Variants in DISP1 observed in about 807,000 individuals in gnomAD.
The protein encoded by DISP1 is dispatched RND transporter family member 1, also known as protein dispatched homolog 1.
In DISP1, 30 loss-of-function variants were observed where a neutral mutation model predicts 37.3. The observed-to-expected ratio is 0.80, with a 90% CI of 0.60 to 1.09. DISP1 has a LOEUF of 1.09. DISP1 is among the 50% of genes least tolerant of loss of function. The pLI is 0.00. For synonymous variants in DISP1, 634 were observed against 690.2 expected, an observed-to-expected ratio of 0.92 and a Z score of 1.28; for missense variants, 1,598 against 1,879.5, an observed-to-expected ratio of 0.85 and a Z score of 2.77.
At chr1:222,934,374 A>G (rs1673587114) in intron 2 of DISP1, among the ~76,000 whole-genome samples, 1 of 152,132 alleles carries the variant, frequency 6.6e-6, no homozygotes, top group African/African-American at 2.4e-5. Flanking sequence ...AAATTTTAAT[A>G]GCCCTTTGAA....
intron 1 of DISP1, among the ~76,000 whole-genome samples, chr1:222,920,842 A>T (rs1314960452): frequency 1.3e-5 from 2 of 152,140 alleles, no homozygotes; most frequent in Admixed American, 1.3e-4. Context: ...ATATAAATTA[A>T]TATTAAGTAA....
chr1:222,876,356 C>G (rs1168562183), intron 1 of DISP1, among the ~76,000 whole-genome samples: 1 of 152,158 alleles, frequency 6.6e-6, no homozygotes, highest in Non-Finnish European at 1.5e-5. Context: ...AGCAGAGTAG[C>G]AACACTTTGG....
chr1:222,878,154 G>T (rs1670070869), intron 1 of DISP1, among the ~76,000 whole-genome samples: 1 of 152,224 alleles, frequency 6.6e-6, no homozygotes, highest in African/African-American at 2.4e-5. Flanking sequence ...TTTGGAAACA[G>T]CTTTAAACAA....
chr1:222,983,062 T>C lies in DISP1; in HGVS notation c.510-18T>C, dbSNP rs1460081634. The C allele has an allele frequency of 1.9e-6, 3 of 1,583,942 alleles. No individual in the cohort carries two copies. The highest frequency in any genetic ancestry group is 2.6e-6 in the Non-Finnish European group (3 of 1,163,590). On this transcript the variant is annotated intron_variant, in intron 3 of 8. Coordinates refer to ENST00000675850, the MANE Select transcript of DISP1 (RefSeq NM_001377229.1). The stretch of plus-strand genomic sequence containing the variant: ...GCTCTGTTTTTGATCATTTTTCCTT[T>C]GCTTTTTTTTTTTTCAGACCATCCA...
intron 1 of DISP1, among the ~76,000 whole-genome samples, chr1:222,860,717 T>G (rs1668832168): frequency 6.6e-6 from 1 of 151,922 alleles, no homozygotes; most frequent in South Asian, 2.1e-4. Context: ...AAACCCCATC[T>G]CTACTAAAAA....
chr1:222,849,567 C>T (rs1308182972), intron 1 of DISP1, among the ~76,000 whole-genome samples: 2 of 152,014 alleles, frequency 1.3e-5, no homozygotes, highest in African/African-American at 4.8e-5. Flanking sequence ...TAAAATGAAA[C>T]AGCTGGCCAC....
chr1:222,886,023 A>G (rs1224487793), intron 1 of DISP1, among the ~76,000 whole-genome samples: 1 of 152,174 alleles, frequency 6.6e-6, no homozygotes, highest in African/African-American at 2.4e-5. Flanking sequence ...TCATAGGGCA[A>G]CTTGGAAGGA....
rs1206623123 is a variant in DISP1 at position 223,002,566 on chromosome 1, A to G, written c.1169A>G (p.Gln390Arg). ...CTTCGGACTTGTGCCAAACACTACC[A>G]AAATGGCACTCTGGGGCCAGACTGC... The part of the protein sequence containing the change: ...KLLRTCAKHY[Q>R]NGTLGPDCWD... Residue 390 changes from glutamine to arginine, a missense_variant, in exon 9 of 9, where the codon CAA becomes CGA. Physicochemically the swap from Gln to Arg is conservative, Grantham distance 43 (BLOSUM62 1). Coordinates refer to ENST00000675850, the MANE Select transcript of DISP1 (RefSeq NM_001377229.1). 5.0e-6 allele frequency: 8 copies of G among 1,614,200 alleles called. No individual in the cohort carries two copies. The highest frequency in any genetic ancestry group is 1.7e-5 in the Admixed American group (1 of 60,022).
chr1:222,819,720 T>C (rs1184330331), intron 1 of DISP1, among the ~76,000 whole-genome samples: 1 of 151,994 alleles, frequency 6.6e-6, no homozygotes, highest in Non-Finnish European at 1.5e-5. Flanking sequence ...TTTGTGTTTT[T>C]AGCAGGGACA....
chr1:222,848,108 TATTG>T (rs767294978), intron 1 of DISP1, among the ~76,000 whole-genome samples: 2 of 152,182 alleles, frequency 1.3e-5, no homozygotes, highest in Non-Finnish European at 2.9e-5. Flanking sequence ...TCAACATTCA[TATTG>T]ATTGATTTAT....
At chr1:222,840,559 T>C (rs768926727) in intron 1 of DISP1, among the ~76,000 whole-genome samples, 145 of 107,796 alleles carry the variant, frequency 1.3e-3, no homozygotes, top group Non-Finnish European at 2.0e-3. Context: ...CAGTATCTCT[T>C]TTTTTTTTTT....
chr1:222,846,466 G>A (rs1292757583), intron 1 of DISP1, among the ~76,000 whole-genome samples: 1 of 152,124 alleles, frequency 6.6e-6, no homozygotes, highest in Non-Finnish European at 1.5e-5. Flanking sequence ...ACTCCAGCCT[G>A]GGCAACAAGA....
chr1:222,929,745 C>A (rs1268689790), intron 2 of DISP1, among the ~76,000 whole-genome samples: 2 of 152,042 alleles, frequency 1.3e-5, no homozygotes, highest in Non-Finnish European at 2.9e-5. Flanking sequence ...AATGTTAAAA[C>A]ATTTTGCATT....
chr1:222,861,389 G>A (rs976133622), intron 1 of DISP1, among the ~76,000 whole-genome samples: 5 of 152,132 alleles, frequency 3.3e-5, no homozygotes, highest in African/African-American at 4.8e-5. Flanking sequence ...CTGTGAAGTC[G>A]GGGATTGTTG....
At chr1:222,868,415 T>C (rs1009154684) in intron 1 of DISP1, among the ~76,000 whole-genome samples, 1 of 152,118 alleles carries the variant, frequency 6.6e-6, no homozygotes, top group African/African-American at 2.4e-5. Context: ...TATATTTGAG[T>C]GAGCCTGGAG....
At position 222,892,164 on chromosome 1, in the gene DISP1, G is replaced by A. The variant is rs192290570; in HGVS notation, c.-158-36266G>A. Among the ~76,000 whole-genome samples, 448 of 152,272 alleles carry A rather than the reference G, an allele frequency of 2.9e-3. 3 individuals carry two copies. Among genetic ancestry groups the A allele is most frequent in the African/African-American group, 0.01 (435 of 41,568 alleles). On this transcript the variant is annotated intron_variant, in intron 1 of 8. Transcript: ENST00000675850. ...AAATCAGGAAAACAGGCAGGGTATTGTAATTTTCCTTCACGTTTAGCAGTC... is the reference window on the plus strand; with the variant it reads ...AAATCAGGAAAACAGGCAGGGTATTATAATTTTCCTTCACGTTTAGCAGTC...
chr1:222,955,434 G>C (rs1675528604), intron 3 of DISP1, among the ~76,000 whole-genome samples: 1 of 152,134 alleles, frequency 6.6e-6, no homozygotes, highest in South Asian at 2.1e-4. Flanking sequence ...TTTGAGTTAT[G>C]ATTTTTTGCC....
chr1:222,941,761 G>A (rs1674400561), intron 2 of DISP1, among the ~76,000 whole-genome samples: 1 of 152,120 alleles, frequency 6.6e-6, no homozygotes, highest in African/African-American at 2.4e-5. Context: ...TGCCAGAGGT[G>A]GGGAAGGACT....
intron 1 of DISP1, among the ~76,000 whole-genome samples, chr1:222,826,467 A>G (rs974510715): frequency 5.4e-5 from 8 of 148,512 alleles, no homozygotes; most frequent in Non-Finnish European, 1.0e-4. Flanking sequence ...TGCAGCTTCA[A>G]CCTCCTGGGC....
Sources: allele counts gnomAD v4.1 joint callset (sites outside exome capture counted in the v4.1 genomes callset), GRCh38; gene constraint gnomAD v4.1.1; transcripts MANE v1.5; gene names NCBI Gene and HGNC (gene_info 2026-07-23, HGNC 2026-07-21).